PPP2R2C: variants seen among roughly 807,000 people sequenced by gnomAD.
PPP2R2C encodes protein phosphatase 2, regulatory subunit B, gamma.
Under a neutral mutation model 45.3 loss-of-function variants are expected in PPP2R2C, and 10 were observed. That is an observed-to-expected ratio of 0.22 (90% CI 0.14 to 0.37). The LOEUF is 0.37. PPP2R2C is among the 10% of genes least tolerant of loss of function. The probability of loss-of-function intolerance (pLI) is 1.00; values close to 1 mark genes in which losing one functional copy is unlikely to be tolerated. For synonymous variants in PPP2R2C, 257 were observed against 245.4 expected (o/e 1.05, Z -0.44); for missense variants, 308 against 619.7 (o/e 0.50, Z 5.34).
intron 1 of PPP2R2C, among the ~76,000 whole-genome samples, chr4:6,463,456 C>A (rs1264389195): frequency 6.6e-6 from 1 of 152,248 alleles, no homozygotes; most frequent in Non-Finnish European, 1.5e-5. Flanking sequence ...GCCCACACCC[C>A]AGCTGGGAAC....
In PPP2R2C at chr4:6,347,801, G is replaced by A. The variant is rs200565456; in HGVS notation, c.790+45C>T. ...CCAGGACAGGACATCCCACCCGCCC[G>A]CCTGCCCAATGCACAGCCCCCCACC... On this transcript the variant is annotated intron_variant, in intron 6 of 8. Coordinates refer to ENST00000382599, the MANE Select transcript of PPP2R2C (RefSeq NM_020416.4). The A allele has an allele frequency of 1.5e-4, 108 of 697,312 alleles. No individual in the cohort carries two copies. The Admixed American group carries it at 3.0e-3, about 20-fold the overall frequency. The allele number at this position is 697,312 out of a possible 1,614,324, so 43.2% of individuals were successfully genotyped here.
chr4:6,451,124 ACACGGTACCAT>A (rs1488122202), intron 1 of PPP2R2C, among the ~76,000 whole-genome samples: 2 of 152,158 alleles, frequency 1.3e-5, no homozygotes, highest in African/African-American at 4.8e-5. Context: ...CTTCCACCCG[ACACGGTACCAT>A]CACTGACCAC....
intron 8 of PPP2R2C, among the ~76,000 whole-genome samples, chr4:6,325,752 A>G (rs974838057): frequency 6.6e-6 from 1 of 152,138 alleles, no homozygotes; most frequent in Non-Finnish European, 1.5e-5. Flanking sequence ...GGTTTCTTAA[A>G]TTCCAGAAGG....
In PPP2R2C at chr4:6,323,533, C is replaced by G. The variant is rs771013516; in HGVS notation, c.1113G>C (p.Arg371=). Residue 371 remains arginine (R), a synonymous_variant, in exon 9 of 9, where the codon CGG becomes CGC. Coordinates refer to ENST00000382599, the MANE Select transcript of PPP2R2C (RefSeq NM_020416.4). ...FFRMFDRNTK[R]DVTLEASRES... is the part of the protein sequence containing the mutation. ...CCCTCGAGGCCTCCAGGGTCACGTC[C>G]CGCTTGGTGTTCCGATCGAACATGC... The G allele has an allele frequency of 6.3e-7, 1 of 1,594,764 alleles. No individual in the cohort carries two copies. Among genetic ancestry groups the G allele is most frequent in the South Asian group, 1.1e-5 (1 of 90,350 alleles).
At chr4:6,438,946 C>T (rs1165902557) in intron 1 of PPP2R2C, among the ~76,000 whole-genome samples, 1 of 152,130 alleles carries the variant, frequency 6.6e-6, no homozygotes, top group Non-Finnish European at 1.5e-5. Context: ...TCAGATTGAC[C>T]CAAGGACCTC....
chr4:6,376,835 C>T (rs1220432360), intron 3 of PPP2R2C, among the ~76,000 whole-genome samples: 2 of 152,184 alleles, frequency 1.3e-5, no homozygotes, highest in African/African-American at 2.4e-5. Flanking sequence ...GCCTGCCCTT[C>T]GGGAGGATCT....
Position 6,378,377 on chromosome 4 carries a change from C to T in PPP2R2C, c.334+30G>A, listed in dbSNP as rs774179994. On this transcript the variant is annotated intron_variant, in intron 3 of 8. Transcript: ENST00000382599. This position sits in a 1 kb window ranked among gnomAD's most constrained non-coding sequence, Gnocchi z 5.2. The stretch of plus-strand genomic sequence containing the variant: ...TGGTAGAAACATCTACGGCCTGTGC[C>T]CATGCAAGCGAGGCCGGGCAGCGCC... The T allele has an allele frequency of 3.0e-5, 48 of 1,613,866 alleles. No homozygotes were observed. In the Middle Eastern group the frequency reaches 5.0e-4, roughly 17 times the overall value.
intron 2 of PPP2R2C, among the ~76,000 whole-genome samples, chr4:6,530,827 G>A (rs935369543): frequency 1.3e-5 from 2 of 152,218 alleles, no homozygotes. Flanking sequence ...AAGGCAAAAC[G>A]CAAGGTGGCT....
chr4:6,496,232 G>C (rs377717006), intron 2 of PPP2R2C, among the ~76,000 whole-genome samples: 1 of 147,170 alleles, frequency 6.8e-6, no homozygotes, highest in Non-Finnish European at 1.5e-5. Context: ...CATATTTTGC[G>C]GGGGGGCAAA....
intron 2 of PPP2R2C, among the ~76,000 whole-genome samples, chr4:6,511,527 GGTGGTGGTGGTGGTGGTGA>G: frequency 4.4e-5 from 2 of 45,974 alleles, no homozygotes; most frequent in Non-Finnish European, 1.1e-4. Context: ...TGGTGGTGAT[GGTGGTGGTGGTGGTGGTGA>G]TGGTGGTGGT....
chr4:6,456,617 T>A (rs1438837848), intron 1 of PPP2R2C, among the ~76,000 whole-genome samples: 1 of 152,156 alleles, frequency 6.6e-6, no homozygotes, highest in Non-Finnish European at 1.5e-5. Context: ...CCATGATGGA[T>A]TGCTCCCGAA....
At chr4:6,527,027 CGGA>C (rs1467849548) in intron 2 of PPP2R2C, among the ~76,000 whole-genome samples, 1 of 152,138 alleles carries the variant, frequency 6.6e-6, no homozygotes, top group African/African-American at 2.4e-5. Flanking sequence ...GGCTTCAATG[CGGA>C]GGAGAAGGAG....
intron 5 of PPP2R2C, among the ~76,000 whole-genome samples, chr4:6,348,503 A>T (rs1363217151): frequency 6.6e-6 from 1 of 151,898 alleles, no homozygotes; most frequent in Non-Finnish European, 1.5e-5. Context: ...GGCATCTGGG[A>T]GCTCCCCTTC....
In PPP2R2C at chr4:6,483,382, G is replaced by A. The variant is rs150471591; in HGVS notation, c.49+51889C>T. Reference sequence around the variant, plus strand: ...TTCCAAAGTGGTTATATCATTTTACGTTCCCATCAGCAGTATATAAGAGTT... The same window carrying A: ...TTCCAAAGTGGTTATATCATTTTACATTCCCATCAGCAGTATATAAGAGTT... On this transcript the variant is annotated intron_variant, in intron 2 of 9. Coordinates refer to the PPP2R2C transcript ENST00000506140. 3.2e-3 allele frequency among the ~76,000 whole-genome samples: 494 copies of A among 152,002 alleles called. 2 individuals are homozygous for A. The highest frequency in any genetic ancestry group is 0.011 in the African/African-American group (468 of 41,506).
intron 5 of PPP2R2C, among the ~76,000 whole-genome samples, chr4:6,367,609 A>G (rs554299277): frequency 6.6e-5 from 10 of 151,934 alleles, no homozygotes; most frequent in South Asian, 2.1e-4. Flanking sequence ...GCCTCCTCCC[A>G]TGTCAGAAAT....
At chr4:6,355,779 T>G (rs2109250194) in intron 5 of PPP2R2C, among the ~76,000 whole-genome samples, 1 of 150,652 alleles carries the variant, frequency 6.6e-6, no homozygotes, top group South Asian at 2.1e-4. Context: ...TCACTTGAGG[T>G]CAGGAGTTTG....
At position 6,471,149 on chromosome 4, in the gene PPP2R2C, C is replaced by A. The variant is rs796943965; in HGVS notation, c.70+1011G>T. On this transcript the variant is annotated intron_variant, in intron 1 of 8. Coordinates refer to ENST00000382599, the MANE Select transcript of PPP2R2C (RefSeq NM_020416.4). This position sits in a 1 kb window ranked among gnomAD's most constrained non-coding sequence, Gnocchi z 5.6. ...GCCCCGCGGGACCCGTGCCCAGGGC[C>A]CCTCCCACTGGGGCACCCACCCGGG... Among the ~76,000 whole-genome samples, 36 of 152,318 alleles carry A rather than the reference C, an allele frequency of 2.4e-4. No individual in the cohort carries two copies. The highest frequency in any genetic ancestry group is 8.2e-4 in the African/African-American group (34 of 41,586).
chr4:6,453,638 G>T (rs967132606), intron 1 of PPP2R2C, among the ~76,000 whole-genome samples: 7 of 152,134 alleles, frequency 4.6e-5, no homozygotes, highest in South Asian at 2.1e-4. Flanking sequence ...GGGCTGTAAT[G>T]GTTTCTCATA....
At chr4:6,550,092 G>A (rs569818130) in intron 1 of PPP2R2C, among the ~76,000 whole-genome samples, 32 of 152,224 alleles carry the variant, frequency 2.1e-4, no homozygotes, top group South Asian at 6.2e-4. Context: ...CTCATCCCAC[G>A]GGCCTGGGCC....
Sources: gnomAD v4.1 joint callset for allele counts (sites outside exome capture counted in the v4.1 genomes callset) on GRCh38, gnomAD v4.1.1 for gene constraint, Gnocchi (gnomAD v3.1) non-coding constraint, MANE v1.5 for transcripts, NCBI Gene and HGNC (gene_info 2026-07-23, HGNC 2026-07-21) for gene names.